The following SIK3 variants were observed in gnomAD, a reference collection of about 807,000 sequenced individuals.
SIK3 encodes the protein SIK family kinase 3.
SIK3 carries 28 observed loss-of-function variants against 144.2 expected under a neutral mutation model. That is an observed-to-expected ratio of 0.19 (90% CI 0.14 to 0.27). The LOEUF (loss-of-function observed/expected upper bound fraction) is 0.27. Among genes scored for constraint, SIK3 ranks in the 10% least tolerant of loss-of-function variants. The pLI is 1.00. For missense variants in SIK3, 1,319 were observed against 1,776.0 expected, an observed-to-expected ratio of 0.74 and a Z score of 4.62; for synonymous variants, 686 against 676.3, an observed-to-expected ratio of 1.01 and a Z score of -0.22.
intron 4 of SIK3, among the ~76,000 whole-genome samples, chr11:116,898,440 T>C (rs1271899358): frequency 1.3e-5 from 2 of 151,752 alleles, no homozygotes; most frequent in Admixed American, 1.3e-4. Flanking sequence ...AACATACGTG[T>C]GCATGTGTCT....
At chr11:116,860,464 AT>A (rs1943261903) in intron 19 of SIK3, among the ~76,000 whole-genome samples, 1 of 152,182 alleles carries the variant, frequency 6.6e-6, no homozygotes, top group Non-Finnish European at 1.5e-5. Flanking sequence ...TCACAGTCAC[AT>A]TATACTTATC....
chr11:116,947,110 C>CA (rs1475622563), intron 3 of SIK3, among the ~76,000 whole-genome samples: 5 of 5,892 alleles, frequency 8.5e-4, no homozygotes, highest in Non-Finnish European at 1.7e-3. Context: ...GACTTCGTCT[C>CA]AAAAAAATAT....
intron 1 of SIK3, among the ~76,000 whole-genome samples, chr11:117,056,129 T>A (rs1591623206): frequency 6.6e-6 from 1 of 152,022 alleles, no homozygotes; most frequent in African/African-American, 2.4e-5. Context: ...AAAGGATTAG[T>A]TAATAAAACA....
At chr11:116,890,046 A>ATT (rs1945022231) in intron 6 of SIK3, among the ~76,000 whole-genome samples, 4 of 152,362 alleles carry the variant, frequency 2.6e-5, no homozygotes, top group Admixed American at 2.6e-4. Context: ...CTATGCATTA[A>ATT]TTCATTCAAC....
chr11:117,071,973 G>A (rs957772684), intron 1 of SIK3, among the ~76,000 whole-genome samples: 1 of 151,610 alleles, frequency 6.6e-6, no homozygotes, highest in African/African-American at 2.4e-5. Flanking sequence ...GCAATATAAT[G>A]AGGCAGTGAG....
At chr11:116,885,664 G>A (rs1224226647) in intron 6 of SIK3, among the ~76,000 whole-genome samples, 1 of 152,142 alleles carries the variant, frequency 6.6e-6, no homozygotes, top group East Asian at 1.9e-4. Flanking sequence ...TAATCCCGAT[G>A]CAGACAAATA....
chr11:117,050,456 C>T (rs1474695732), intron 1 of SIK3, among the ~76,000 whole-genome samples: 3 of 151,862 alleles, frequency 2.0e-5, no homozygotes, highest in Non-Finnish European at 2.9e-5. Context: ...GAGGCAGAGG[C>T]GGGCAGATCA....
intron 3 of SIK3, among the ~76,000 whole-genome samples, chr11:116,929,060 T>C (rs1947448379): frequency 6.6e-6 from 1 of 152,168 alleles, no homozygotes; most frequent in Admixed American, 6.5e-5. Context: ...AGGTCTGCTA[T>C]GAACTTTAAA....
chr11:116,870,941 T>C (rs756905443), intron 13 of SIK3, among the ~76,000 whole-genome samples: 6 of 152,138 alleles, frequency 3.9e-5, no homozygotes, highest in Non-Finnish European at 5.9e-5. Flanking sequence ...CAGTAGAAGA[T>C]TGTTTACCTG....
intron 1 of SIK3, among the ~76,000 whole-genome samples, chr11:116,992,086 G>A (rs1337519363): frequency 2.0e-5 from 3 of 152,046 alleles, no homozygotes; most frequent in African/African-American, 7.2e-5. Context: ...CACTTTCGGA[G>A]GCCAAAGCGG....
chr11:116,862,900 C>A (rs892637379), intron 16 of SIK3, among the ~76,000 whole-genome samples: 1 of 152,068 alleles, frequency 6.6e-6, no homozygotes, highest in African/African-American at 2.4e-5. Context: ...CATGGTGAAA[C>A]CCTGTCTCTA....
chr11:116,914,012 A>G (rs905925286), intron 4 of SIK3, among the ~76,000 whole-genome samples: 2 of 152,194 alleles, frequency 1.3e-5, no homozygotes, highest in East Asian at 3.8e-4. Flanking sequence ...AAAAGAAGAT[A>G]GGATTGTCAC....
At chr11:116,960,842 C>A in intron 1 of SIK3, among the ~76,000 whole-genome samples, 1 of 152,168 alleles carries the variant, frequency 6.6e-6, no homozygotes. Context: ...ATTTTATTTT[C>A]TTCTGGAATC....
At chr11:116,971,353 T>C (rs1415069916) in intron 1 of SIK3, among the ~76,000 whole-genome samples, 1 of 152,208 alleles carries the variant, frequency 6.6e-6, no homozygotes, top group African/African-American at 2.4e-5. Context: ...AAATGTTGCA[T>C]AATCCAATGT....
chr11:116,890,326 G>A (rs1241606919), intron 6 of SIK3, among the ~76,000 whole-genome samples: 2 of 152,186 alleles, frequency 1.3e-5, no homozygotes, highest in Non-Finnish European at 2.9e-5. Flanking sequence ...CCCTGTGACT[G>A]GAGCTCAGAA....
Position 116,859,528 on chromosome 11 carries a change from G to A in SIK3, c.2502C>T (p.Ser834=), listed in dbSNP as rs754929460. The A allele has an allele frequency of 6.2e-7, 1 of 1,614,094 alleles. No individual in the cohort carries two copies. The highest frequency in any genetic ancestry group is 8.5e-7 in the Non-Finnish European group (1 of 1,180,058). Residue 834 remains serine (S), a synonymous_variant, in exon 20 of 25, where the codon TCC becomes TCT. Transcript: ENST00000445177. ...AIFQQQPENC[S]SPPNVALTCL... is the part of the protein sequence containing the mutation. ...AGGTTAGTGCCACGTTGGGAGGAGA[G>A]GAACAGTTCTCAGGTTGCTGCTGAA...
chr11:117,003,874 C>T (rs2135629877), intron 1 of SIK3, among the ~76,000 whole-genome samples: 1 of 152,146 alleles, frequency 6.6e-6, no homozygotes, highest in East Asian at 1.9e-4. Flanking sequence ...AGATTGGTCC[C>T]CATTGCTGAA....
At chr11:116,909,949 G>A (rs1315645009) in intron 4 of SIK3, among the ~76,000 whole-genome samples, 1 of 152,036 alleles carries the variant, frequency 6.6e-6, no homozygotes, top group Non-Finnish European at 1.5e-5. Context: ...AATCTAGGAA[G>A]AATATATACA....
intron 1 of SIK3, among the ~76,000 whole-genome samples, chr11:117,039,110 C>A (rs1305839188): frequency 6.6e-6 from 1 of 151,978 alleles, no homozygotes; most frequent in African/African-American, 2.4e-5. Context: ...AGAATCACCT[C>A]GGCTCTACGT....
Sources: allele counts gnomAD v4.1 joint callset (sites outside exome capture counted in the v4.1 genomes callset), GRCh38; gene constraint gnomAD v4.1.1; transcripts MANE v1.5; gene names NCBI Gene and HGNC (gene_info 2026-07-23, HGNC 2026-07-21).